CSMD3: variants seen among roughly 807,000 people sequenced by gnomAD.
CSMD3 encodes the protein CUB and Sushi multiple domains 3, also known as CUB and sushi domain-containing protein 3.
Under a neutral mutation model 435.2 loss-of-function variants are expected in CSMD3, and 177 were observed. That is an observed-to-expected ratio of 0.41 (90% CI 0.36 to 0.46). The LOEUF is 0.46. CSMD3 is among the 20% of genes least tolerant of loss of function. The pLI is 0.34. For synonymous variants in CSMD3, 1,656 were observed against 1,520.5 expected, an observed-to-expected ratio of 1.09 and a Z score of -2.07; for missense variants, 4,265 against 4,504.6, an observed-to-expected ratio of 0.95 and a Z score of 1.52.
Position 112,289,501 on chromosome 8 carries a change from T to G in CSMD3, c.9012A>C (p.Ala3004=), listed in dbSNP as rs1586665360. The G allele has an allele frequency of 6.2e-7, 1 of 1,612,942 alleles. No individual in the cohort carries two copies. The highest frequency in any genetic ancestry group is 2.2e-5 in the East Asian group (1 of 44,832). Reference sequence around the variant, plus strand: ...AAGTATACTTCTCGCCAGACAGGACTGCATTAGGAGGAACGCCAGGGTGTC... The same window carrying G: ...AAGTATACTTCTCGCCAGACAGGACGGCATTAGGAGGAACGCCAGGGTGTC... ...DCGHPGVPPN[A]VLSGEKYTFG... Residue 3004 remains alanine (A), a synonymous_variant, in exon 57 of 71, where the codon GCA becomes GCC. Coordinates refer to ENST00000297405, the MANE Select transcript of CSMD3 (RefSeq NM_198123.2).
In CSMD3 at chr8:112,255,302, T is replaced by G. The variant is rs767604504; in HGVS notation, c.9988A>C (p.Ile3330Leu). The G allele has an allele frequency of 3.7e-6, 6 of 1,613,656 alleles. No individual in the cohort carries two copies. In the South Asian group the frequency reaches 6.6e-5, roughly 18 times the overall value. Residue 3330 changes from isoleucine (I) to leucine (L), a missense_variant, in exon 62 of 71, where the codon ATA (isoleucine) becomes CTA (leucine). By Grantham distance (5) the Ile-to-Leu change is conservative. Transcript: ENST00000297405. ...PFILVGSSTR[I>L]CQADGTWSGS... ...CTCCAAGTGCCATCTGCTTGACATA[T>G]TCTGGTGCTTGATCCCACTAATATG...
intron 3 of CSMD3, among the ~76,000 whole-genome samples, chr8:113,179,904 T>C (rs1431718497): frequency 6.6e-6 from 1 of 151,722 alleles, no homozygotes; most frequent in East Asian, 1.9e-4. Flanking sequence ...TGGGAGCACA[T>C]GTATAGTTGC....
intron 13 of CSMD3, among the ~76,000 whole-genome samples, chr8:112,788,601 T>C (rs959265892): frequency 7.9e-5 from 12 of 152,174 alleles, no homozygotes; most frequent in African/African-American, 2.7e-4. Flanking sequence ...GTATCAGTCT[T>C]TGTCCCACTA....
intron 1 of CSMD3, among the ~76,000 whole-genome samples, chr8:113,378,493 G>A (rs1044373653): frequency 6.6e-6 from 1 of 152,166 alleles, no homozygotes; most frequent in African/African-American, 2.4e-5. Flanking sequence ...ATCCTCAGAG[G>A]ATAGGGTAGA....
Position 112,624,404 on chromosome 8 carries a change from A to G in CSMD3, c.3715+12413T>C, listed in dbSNP as rs191756339. Among the ~76,000 whole-genome samples, 132 of 152,218 alleles carry G rather than the reference A, an allele frequency of 8.7e-4. 3 individuals are homozygous for G. The highest frequency in any genetic ancestry group is 6.2e-3 in the Admixed American group (95 of 15,262). On this transcript the variant is annotated intron_variant, in intron 22 of 70. Transcript: ENST00000297405. ...ACTATATAATGTCCACTGAAGGTGT[A>G]TGCTGCTCAAAATGTTCATGCTGCT...
intron 1 of CSMD3, among the ~76,000 whole-genome samples, chr8:113,327,548 C>T (rs529574268): frequency 6.6e-6 from 1 of 152,254 alleles, no homozygotes; most frequent in East Asian, 1.9e-4. Flanking sequence ...AAATCAGCAG[C>T]CTCCCATCCC....
intron 4 of CSMD3, among the ~76,000 whole-genome samples, chr8:113,168,055 T>C (rs2092187867): frequency 6.6e-6 from 1 of 150,448 alleles, no homozygotes; most frequent in East Asian, 1.9e-4. Context: ...GTTCATGACA[T>C]TTTTATATTC....
At chr8:112,914,989 A>T (rs1185171834) in intron 10 of CSMD3, among the ~76,000 whole-genome samples, 1 of 151,978 alleles carries the variant, frequency 6.6e-6, no homozygotes, top group African/African-American at 2.4e-5. Flanking sequence ...GTCATCACAG[A>T]TCTTCAAGAT....
chr8:113,420,773 C>A (rs1248959305), intron 1 of CSMD3, among the ~76,000 whole-genome samples: 1 of 151,746 alleles, frequency 6.6e-6, no homozygotes, highest in African/African-American at 2.4e-5. Context: ...CATGGTGAAA[C>A]CTCATCTCTA....
chr8:113,266,612 G>A (rs1588406551), intron 3 of CSMD3, among the ~76,000 whole-genome samples: 1 of 151,604 alleles, frequency 6.6e-6, no homozygotes, highest in East Asian at 1.9e-4. Context: ...ATGTAAAATA[G>A]CTGTGAATGG....
At chr8:112,293,433 T>C (rs1163422870) in intron 54 of CSMD3, among the ~76,000 whole-genome samples, 4 of 152,286 alleles carry the variant, frequency 2.6e-5, no homozygotes, top group Middle Eastern at 3.4e-3. Flanking sequence ...CCAATTTTTA[T>C]GAATAATAGA....
chr8:112,578,347 G>T (rs1037346332), intron 23 of CSMD3, among the ~76,000 whole-genome samples: 9 of 151,912 alleles, frequency 5.9e-5, no homozygotes, highest in African/African-American at 2.2e-4. Flanking sequence ...TTATATAATA[G>T]AGTTGAACTT....
At chr8:113,349,070 A>G (rs932996362) in intron 1 of CSMD3, among the ~76,000 whole-genome samples, 1 of 152,032 alleles carries the variant, frequency 6.6e-6, no homozygotes, top group African/African-American at 2.4e-5. Context: ...CATAATCATT[A>G]TTTATTTTTA....
At chr8:112,412,829 G>T (rs1400376416) in intron 32 of CSMD3, among the ~76,000 whole-genome samples, 1 of 152,108 alleles carries the variant, frequency 6.6e-6, no homozygotes, top group South Asian at 2.1e-4. Flanking sequence ...TACAGATAGG[G>T]TCCCTGCTCT....
At chr8:113,111,287 T>C (rs2090632234) in intron 4 of CSMD3, among the ~76,000 whole-genome samples, 1 of 152,220 alleles carries the variant, frequency 6.6e-6, no homozygotes, top group African/African-American at 2.4e-5. Flanking sequence ...ATATGTTTAC[T>C]ATGTGGGATA....
chr8:112,346,276 CAT>C (rs1184994643), intron 40 of CSMD3, 63 bp from the exon 41 acceptor site: 12 of 1,009,390 alleles, frequency 1.2e-5, no homozygotes, highest in Non-Finnish European at 1.7e-5. Context: ...TATTAAAAAA[CAT>C]ATTAAAATCA....
intron 63 of CSMD3, among the ~76,000 whole-genome samples, chr8:112,251,655 G>A (rs1815273708): frequency 6.6e-6 from 1 of 151,552 alleles, no homozygotes; most frequent in Non-Finnish European, 1.5e-5. Context: ...AGTTTGGTAG[G>A]GTTAAATATT....
intron 38 of CSMD3, among the ~76,000 whole-genome samples, chr8:112,358,535 G>T (rs370862120): frequency 2.6e-5 from 4 of 152,226 alleles, no homozygotes; most frequent in African/African-American, 7.2e-5. Flanking sequence ...ATTGAATCAT[G>T]GAGCAAGTCT....
chr8:112,289,584 T>C (rs1819558115), intron 56 of CSMD3, 46 bp from the exon 57 acceptor site: 2 of 1,225,770 alleles, frequency 1.6e-6, no homozygotes, highest in African/African-American at 1.5e-5. Context: ...ATATCTCCTA[T>C]CGAACAACCT....
Sources: allele counts gnomAD v4.1 joint callset (sites outside exome capture counted in the v4.1 genomes callset), GRCh38; gene constraint gnomAD v4.1.1; transcripts MANE v1.5; gene names NCBI Gene and HGNC (gene_info 2026-07-23, HGNC 2026-07-21).